The following CLSTN2 variants were observed in gnomAD, a reference collection of about 807,000 sequenced individuals.
CLSTN2 encodes the protein calsyntenin 2.
Under a neutral mutation model 101.2 loss-of-function variants are expected in CLSTN2, and 48 were observed. The ratio of observed to expected loss-of-function variants is 0.47; its 90% confidence interval spans 0.38 to 0.60. The LOEUF is 0.60. CLSTN2 is among the 20% of genes least tolerant of loss of function. The probability of loss-of-function intolerance (pLI) is 0.00; values close to 1 mark genes in which losing one functional copy is unlikely to be tolerated. For missense variants in CLSTN2, 1,160 were observed against 1,238.2 expected (o/e 0.94, Z 0.95); for synonymous variants, 481 against 463.6 (o/e 1.04, Z -0.48).
intron 1 of CLSTN2, among the ~76,000 whole-genome samples, chr3:140,029,081 G>A (rs948605485): frequency 2.0e-5 from 3 of 152,316 alleles, no homozygotes; most frequent in South Asian, 4.1e-4. Flanking sequence ...GATGAGTTTG[G>A]TGGGTGCACT....
At chr3:140,333,738 T>C (rs2107931115) in intron 2 of CLSTN2, among the ~76,000 whole-genome samples, 1 of 152,110 alleles carries the variant, frequency 6.6e-6, no homozygotes, top group Non-Finnish European at 1.5e-5. Context: ...TTAAAATTAT[T>C]GTGAGTAGGC....
chr3:139,937,297 T>G, intron 1 of CLSTN2, among the ~76,000 whole-genome samples: 1 of 151,904 alleles, frequency 6.6e-6, no homozygotes, highest in Non-Finnish European at 1.5e-5. Flanking sequence ...AATGGGAAGC[T>G]TCATAGAGGT....
chr3:140,320,285 C>T (rs2087269404), intron 2 of CLSTN2, among the ~76,000 whole-genome samples: 1 of 152,170 alleles, frequency 6.6e-6, no homozygotes, highest in Non-Finnish European at 1.5e-5. Flanking sequence ...CTTCCATTTT[C>T]AGTTTTCAGG....
At chr3:140,319,517 C>T (rs1220968618) in intron 2 of CLSTN2, among the ~76,000 whole-genome samples, 1 of 152,184 alleles carries the variant, frequency 6.6e-6, no homozygotes, top group Non-Finnish European at 1.5e-5. Context: ...CAAAAGAATG[C>T]CGTACACCAA....
At chr3:140,475,462 G>A (rs2107748552) in intron 8 of CLSTN2, among the ~76,000 whole-genome samples, 1 of 152,246 alleles carries the variant, frequency 6.6e-6, no homozygotes, top group South Asian at 2.1e-4. Flanking sequence ...AGTTTTCTTG[G>A]GTTTTCATTA....
At chr3:140,016,793 G>GAAAAAAA (rs56040791) in intron 1 of CLSTN2, among the ~76,000 whole-genome samples, 3 of 89,292 alleles carry the variant, frequency 3.4e-5, no homozygotes, top group Admixed American at 1.4e-4. Flanking sequence ...GTGAGACTCT[G>GAAAAAAA]AAAAAAAAAA....
intron 2 of CLSTN2, among the ~76,000 whole-genome samples, chr3:140,280,467 G>A (rs964245041): frequency 3.3e-5 from 5 of 152,190 alleles, no homozygotes; most frequent in African/African-American, 9.6e-5. Context: ...GCAGCAAGAG[G>A]CAGCTAGGAC....
rs1352962660 is a variant in CLSTN2 at position 139,990,902 on chromosome 3, G to A, written c.109+55419G>A. Among the ~76,000 whole-genome samples, 3 of 152,258 alleles carry A rather than the reference G, an allele frequency of 2.0e-5. No homozygotes were observed. In the East Asian group the frequency reaches 5.8e-4, roughly 29 times the overall value. On this transcript the variant is annotated intron_variant, in intron 1 of 16. Coordinates refer to ENST00000458420, the MANE Select transcript of CLSTN2 (RefSeq NM_022131.3). ...AAACCATTTTTATATTAATTGTTAT[G>A]TCTTCATTTTAATATTGTCTTAAAG...
At chr3:140,328,117 G>A (rs1248147697) in intron 2 of CLSTN2, among the ~76,000 whole-genome samples, 1 of 152,172 alleles carries the variant, frequency 6.6e-6, no homozygotes, top group Non-Finnish European at 1.5e-5. Context: ...CTTCTGAAGG[G>A]AACTATGTAT....
rs148024447 is a variant in CLSTN2 at position 140,231,120 on chromosome 3, A to C, written c.232+55047A>C. On this transcript the variant is annotated intron_variant, in intron 2 of 16. Transcript: ENST00000458420. Reference sequence around the variant, plus strand: ...CTCACCACCATAACAGTCAAAGTGCATGGTGAGAAAAGTATTATCCAGAGG... The same window carrying C: ...CTCACCACCATAACAGTCAAAGTGCCTGGTGAGAAAAGTATTATCCAGAGG... Among the ~76,000 whole-genome samples, 1,120 of 152,326 alleles carry C rather than the reference A, an allele frequency of 7.4e-3. 7 individuals carry two copies. The highest frequency in any genetic ancestry group is 0.024 in the African/African-American group (983 of 41,574).
At chr3:140,351,167 C>G (rs953527517) in intron 2 of CLSTN2, among the ~76,000 whole-genome samples, 3 of 151,786 alleles carry the variant, frequency 2.0e-5, no homozygotes, top group Admixed American at 6.6e-5. Context: ...AAGAGCTTGT[C>G]AAAATAAAAT....
chr3:140,168,388 G>T (rs1258463131), intron 1 of CLSTN2, among the ~76,000 whole-genome samples: 3 of 152,158 alleles, frequency 2.0e-5, no homozygotes, highest in African/African-American at 2.4e-5. Flanking sequence ...TTAATTGAAA[G>T]AATTATTTAT....
chr3:140,072,945 C>T (rs767374155), intron 1 of CLSTN2, among the ~76,000 whole-genome samples: 8 of 152,172 alleles, frequency 5.3e-5, no homozygotes, highest in Non-Finnish European at 7.4e-5. Flanking sequence ...TTATTCTACC[C>T]GGAGGACTCA....
intron 2 of CLSTN2, among the ~76,000 whole-genome samples, chr3:140,225,419 CAATT>C (rs375498625): frequency 6.6e-5 from 10 of 152,184 alleles, no homozygotes; most frequent in African/African-American, 2.4e-4. Flanking sequence ...ATTACAGAGA[CAATT>C]TATTGTTTTA....
chr3:140,031,552 G>A (rs1023638884), intron 1 of CLSTN2, among the ~76,000 whole-genome samples: 2 of 152,190 alleles, frequency 1.3e-5, no homozygotes, highest in African/African-American at 4.8e-5. Flanking sequence ...AACTAAATAG[G>A]TTCAGATAAT....
intron 8 of CLSTN2, among the ~76,000 whole-genome samples, chr3:140,503,549 C>T (rs998187335): frequency 6.6e-6 from 1 of 151,734 alleles, no homozygotes; most frequent in East Asian, 1.9e-4. Context: ...AACCGAAGGA[C>T]GCATTTCTTA....
intron 2 of CLSTN2, among the ~76,000 whole-genome samples, chr3:140,312,217 G>A (rs1273843622): frequency 6.6e-6 from 1 of 152,162 alleles, no homozygotes; most frequent in Admixed American, 6.5e-5. Flanking sequence ...TGAGATCCTA[G>A]GTGAGCTTTA....
At chr3:140,180,789 G>T (rs1421093922) in intron 2 of CLSTN2, among the ~76,000 whole-genome samples, 2 of 152,186 alleles carry the variant, frequency 1.3e-5, no homozygotes, top group African/African-American at 4.8e-5. Flanking sequence ...CCAGAAAATT[G>T]CCTGGGACGT....
At chr3:140,540,961 G>GT (rs964344448) in intron 9 of CLSTN2, among the ~76,000 whole-genome samples, 2 of 152,220 alleles carry the variant, frequency 1.3e-5, no homozygotes, top group African/African-American at 4.8e-5. Flanking sequence ...AAATACAACT[G>GT]TTTTTTAAGA....
Sources: allele counts gnomAD v4.1 joint callset (sites outside exome capture counted in the v4.1 genomes callset), GRCh38; gene constraint gnomAD v4.1.1; transcripts MANE v1.5; gene names NCBI Gene and HGNC (gene_info 2026-07-23, HGNC 2026-07-21).